Variants in ACADM observed in about 807,000 individuals in gnomAD.
The protein encoded by ACADM is acyl-CoA dehydrogenase medium chain, also known as medium-chain specific acyl-CoA dehydrogenase, mitochondrial.
In ACADM, 49 loss-of-function variants were observed where a neutral mutation model predicts 58.9. The ratio of observed to expected loss-of-function variants is 0.83; its 90% CI spans 0.66 to 1.06. The LOEUF (loss-of-function observed/expected upper bound fraction) is 1.06. Ranked by LOEUF, ACADM falls within the 50% of genes least tolerant of loss-of-function variation. The pLI is 0.00. For synonymous variants in ACADM, 160 were observed against 157.7 expected (o/e 1.01, Z -0.11); for missense variants, 496 against 507.0 (o/e 0.98, Z 0.21).
chr1:75,728,407 A>G lies in ACADM; in HGVS notation c.37A>G (p.Arg13Gly). The change falls in exon 2 of 12, where the codon AGA becomes GGA. Residue 13 changes from arginine to glycine, a missense_variant. By Grantham distance (125) the Arg-to-Gly change is moderately radical. Coordinates refer to ENST00000370841, the MANE Select transcript of ACADM (RefSeq NM_000016.6). ...AGFGRCCRVLRSISRFHWRSQ... is the reference protein window; with the variant it reads ...AGFGRCCRVLGSISRFHWRSQ... ...ATAAAAGTGTTCTTTACAGGTCCTGAGAAGTATTTCTCGTTTTCATTGGAG... is the reference window on the plus strand; with the variant it reads ...ATAAAAGTGTTCTTTACAGGTCCTGGGAAGTATTTCTCGTTTTCATTGGAG... 1 of 1,612,444 alleles carries G rather than the reference A, an allele frequency of 6.2e-7. No homozygotes were observed. The highest frequency in any genetic ancestry group is 8.5e-7 in the Non-Finnish European group (1 of 1,178,856).
intron 10 of ACADM, among the ~76,000 whole-genome samples, chr1:75,756,602 G>A (rs934191739): frequency 6.6e-6 from 1 of 152,198 alleles, no homozygotes; most frequent in African/African-American, 2.4e-5. Context: ...CTCATGGGTA[G>A]GAAGAATCAA....
intron 7 of ACADM, among the ~76,000 whole-genome samples, chr1:75,741,827 T>C (rs1647583456): frequency 6.6e-6 from 1 of 152,212 alleles, no homozygotes; most frequent in South Asian, 2.1e-4. Flanking sequence ...CCAGGATATA[T>C]AGAACATGAA....
chr1:75,750,162 C>T (rs1260148539), intron 9 of ACADM, among the ~76,000 whole-genome samples: 2 of 152,110 alleles, frequency 1.3e-5, no homozygotes, highest in African/African-American at 2.4e-5. Context: ...TTAATATGTA[C>T]TCATTTTCTG....
chr1:75,762,103 T>A (rs1192890073), intron 11 of ACADM, among the ~76,000 whole-genome samples: 1 of 152,258 alleles, frequency 6.6e-6, no homozygotes, highest in Non-Finnish European at 1.5e-5. Flanking sequence ...TATGTGGTGA[T>A]ACTCTTCCTC....
At chr1:75,762,452 A>T (rs930085072) in intron 11 of ACADM, among the ~76,000 whole-genome samples, 6 of 151,990 alleles carry the variant, frequency 3.9e-5, no homozygotes, top group Non-Finnish European at 8.8e-5. Context: ...TATTTTGAAG[A>T]CTCTTCTCCA....
At chr1:75,759,409 CG>C (rs1648696038) in intron 10 of ACADM, among the ~76,000 whole-genome samples, 1 of 152,182 alleles carries the variant, frequency 6.6e-6, no homozygotes, top group Admixed American at 6.5e-5. Context: ...AAAGACAGCA[CG>C]TTGGAGATCC....
chr1:75,763,056 C>G lies in ACADM; in HGVS notation c.*293C>G, dbSNP rs1648938764. 1 of 201,136 alleles carries G rather than the reference C, an allele frequency of 5.0e-6. No homozygotes were observed. The highest frequency in any genetic ancestry group is 1.2e-4 in the East Asian group (1 of 8,386). 12.5% of individuals were successfully genotyped at this position (201,136 alleles called of 1,614,324 possible). A position where few individuals can be genotyped will look rare whatever the true frequency, so the allele number is the denominator to read the frequency against. On this transcript the variant is annotated 3_prime_UTR_variant, in exon 12 of 12. Transcript: ENST00000370841. ...CTTAAGATTAATGTAGCAGAAATTT[C>G]TTGGAATTTTATTTTTGTAATGACA...
At chr1:75,747,146 G>C (rs989665731) in intron 8 of ACADM, among the ~76,000 whole-genome samples, 2 of 152,142 alleles carry the variant, frequency 1.3e-5, no homozygotes, top group Non-Finnish European at 2.9e-5. Context: ...ATAGTTGCTA[G>C]CAAACTTGGC....
intron 10 of ACADM, among the ~76,000 whole-genome samples, chr1:75,757,105 C>A (rs1242626761): frequency 6.6e-6 from 1 of 152,052 alleles, no homozygotes; most frequent in Non-Finnish European, 1.5e-5. Context: ...CATAAGAACC[C>A]TAGAAGAAAA....
At chr1:75,735,940 G>A (rs941071761) in intron 6 of ACADM, among the ~76,000 whole-genome samples, 8 of 151,586 alleles carry the variant, frequency 5.3e-5, no homozygotes, top group Non-Finnish European at 1.2e-4. Context: ...GCTTGAGCCC[G>A]GGAGTTCAAG....
chr1:75,750,737 A>G, intron 10 of ACADM, 191 bp downstream of exon 10: 1 of 618,150 alleles, frequency 1.6e-6, no homozygotes, highest in Non-Finnish European at 2.9e-6. Flanking sequence ...TCTGAACCTG[A>G]CACTGTGCTA....
At chr1:75,727,874 C>A (rs1647080414) in intron 1 of ACADM, among the ~76,000 whole-genome samples, 1 of 152,078 alleles carries the variant, frequency 6.6e-6, no homozygotes, top group South Asian at 2.1e-4. Context: ...AAATACAGAA[C>A]ATGGTTTTAT....
At chr1:75,724,990 C>G (rs1647026438) in intron 1 of ACADM, among the ~76,000 whole-genome samples, 173 bp downstream of exon 1, 1 of 152,164 alleles carries the variant, frequency 6.6e-6, no homozygotes, top group African/African-American at 2.4e-5. Context: ...CCGGACGGAA[C>G]GTAGCCTAGC....
chr1:75,732,454 A>G (rs1365901843), intron 2 of ACADM, 190 bp from the exon 3 acceptor site: 1 of 603,406 alleles, frequency 1.7e-6, no homozygotes, highest in Non-Finnish European at 3.0e-6. Flanking sequence ...TTCCTTTAGC[A>G]TTTGTATTGA....
At chr1:75,732,489 T>C in intron 2 of ACADM, 155 bp from the exon 3 acceptor site, 1 of 687,070 alleles carries the variant, frequency 1.5e-6, no homozygotes, top group Non-Finnish European at 2.6e-6. Flanking sequence ...TATTGTGTAG[T>C]GAACTCTTGA....
chr1:75,731,203 C>G (rs575931369), intron 2 of ACADM, among the ~76,000 whole-genome samples: 1 of 148,508 alleles, frequency 6.7e-6, no homozygotes, highest in Non-Finnish European at 1.5e-5. Flanking sequence ...GGCGTGAACC[C>G]GGGAGGCGGA....
At chr1:75,736,705 A>G (rs969821734) in intron 6 of ACADM, among the ~76,000 whole-genome samples, 3 of 152,074 alleles carry the variant, frequency 2.0e-5, no homozygotes, top group African/African-American at 7.3e-5. Context: ...GTGGATGCCA[A>G]AGGCAAACTT....
intron 10 of ACADM, among the ~76,000 whole-genome samples, chr1:75,760,579 A>AAAAAAAAAAAAAAAAAAAAAAAAAC (rs1648785445): frequency 7.5e-6 from 1 of 133,330 alleles, no homozygotes; most frequent in African/African-American, 2.8e-5. Flanking sequence ...AAAAAAAAAA[A>AAAAAAAAAAAAAAAAAAAAAAAAAC]ATCAGGCAAA....
chr1:75,741,785 G>A (rs1647580161), intron 7 of ACADM, among the ~76,000 whole-genome samples: 1 of 152,180 alleles, frequency 6.6e-6, no homozygotes, highest in African/African-American at 2.4e-5. Flanking sequence ...GTTTAGGGAA[G>A]AATATACCTT....
Sources: gnomAD v4.1 joint callset for allele counts (sites outside exome capture counted in the v4.1 genomes callset) on GRCh38, gnomAD v4.1.1 for gene constraint, MANE v1.5 for transcripts, NCBI Gene and HGNC (gene_info 2026-07-23, HGNC 2026-07-21) for gene names.